The following PHLPP1 variants were observed in gnomAD, a reference collection of about 807,000 sequenced individuals.
The protein encoded by PHLPP1 is PH domain and leucine rich repeat protein phosphatase 1.
In PHLPP1, 42 loss-of-function variants were observed where a neutral mutation model predicts 117.2. The ratio of observed to expected loss-of-function variants is 0.36; its 90% CI spans 0.28 to 0.46. The LOEUF (loss-of-function observed/expected upper bound fraction) is 0.46, where lower values mean the gene tolerates loss of function less well. PHLPP1 is among the 20% of genes least tolerant of loss of function. The probability of loss-of-function intolerance (pLI) is 1.00; values close to 1 mark genes in which losing one functional copy is unlikely to be tolerated. For missense variants in PHLPP1, 2,084 were observed against 2,241.9 expected (o/e 0.93, Z 1.42); for synonymous variants, 1,042 against 970.7 (o/e 1.07, Z -1.37).
Position 62,794,089 on chromosome 18 carries a change from G to C in PHLPP1, c.1577-35946G>C, listed in dbSNP as rs114237726. Among the ~76,000 whole-genome samples the C allele has an allele frequency of 7.9e-3, 1,199 of 152,228 alleles. 20 individuals carry two copies. The highest frequency in any genetic ancestry group is 0.028 in the African/African-American group (1,148 of 41,520). On this transcript the variant is annotated intron_variant, in intron 1 of 16. Transcript: ENST00000262719. ...ATTGGGAGGTTATGTGGCTCTCATG[G>C]AAGATTATGATAAACCTTCTTTTAA...
intron 4 of PHLPP1, among the ~76,000 whole-genome samples, chr18:62,877,979 C>T (rs1233204093): frequency 6.6e-6 from 1 of 152,154 alleles, no homozygotes; most frequent in Non-Finnish European, 1.5e-5. Context: ...AACATTTATT[C>T]CCACTTAAAT....
chr18:62,824,303 T>TA, intron 1 of PHLPP1: 3 of 384,366 alleles, frequency 7.8e-6, no homozygotes, highest in South Asian at 3.7e-5. Flanking sequence ...TCCATCAAAA[T>TA]AGAAAAAAAA....
In PHLPP1 at chr18:62,717,115, G is replaced by A. The variant is rs751338165; in HGVS notation, c.1432G>A (p.Glu478Lys). The A allele has an allele frequency of 2.2e-5, 35 of 1,581,736 alleles. No homozygotes were observed. Among genetic ancestry groups the A allele is most frequent in the Non-Finnish European group, 2.9e-5 (34 of 1,164,776 alleles). Reference protein sequence around the residue: ...PPTLYVQLHGETTRRLEAEEK... With the variant: ...PPTLYVQLHGKTTRRLEAEEK... Reference sequence around the variant, plus strand: ...CACCCTGTACGTGCAGCTCCACGGAGAGACCACCCGGCGCTTGGAGGCGGA... The same window carrying A: ...CACCCTGTACGTGCAGCTCCACGGAAAGACCACCCGGCGCTTGGAGGCGGA... Residue 478 changes from glutamate (E) to lysine (K), a missense_variant, in exon 1 of 17, where the codon GAG (glutamate) becomes AAG (lysine). Physicochemically the swap from Glu to Lys is moderately conservative, Grantham distance 56. Coordinates refer to ENST00000262719, the MANE Select transcript of PHLPP1 (RefSeq NM_194449.4).
intron 2 of PHLPP1, chr18:62,838,533 A>G (rs1420910304): frequency 2.7e-6 from 1 of 376,090 alleles, no homozygotes; most frequent in Middle Eastern, 7.8e-4. Flanking sequence ...AGTCTGGACT[A>G]ATTTTAAACA....
chr18:62,823,110 T>TCAGTTTGTCAAAGATTTTTTAAGTAC (rs1389699037), intron 1 of PHLPP1, among the ~76,000 whole-genome samples: 1 of 152,198 alleles, frequency 6.6e-6, no homozygotes, highest in African/African-American at 2.4e-5. Context: ...TTACTGGCCT[T>TCAGTTTGTCAAAGATTTTTTAAGTAC]CAGTTTGTCA....
chr18:62,775,644 C>T (rs956951903), intron 1 of PHLPP1, among the ~76,000 whole-genome samples: 17 of 152,114 alleles, frequency 1.1e-4, no homozygotes, highest in Admixed American at 6.5e-5. Flanking sequence ...TTTTTTATCT[C>T]GACTAATGAC....
chr18:62,871,268 T>C (rs1371649485), intron 4 of PHLPP1, among the ~76,000 whole-genome samples: 1 of 152,200 alleles, frequency 6.6e-6, no homozygotes, highest in Admixed American at 6.5e-5. Flanking sequence ...TAAATTATAA[T>C]GGTGTTTGAA....
chr18:62,723,941 GT>G (rs749050404), intron 1 of PHLPP1, among the ~76,000 whole-genome samples: 4 of 151,796 alleles, frequency 2.6e-5, no homozygotes, highest in African/African-American at 7.3e-5. Context: ...TAGAGAGCCT[GT>G]TTTTTTTGAA....
At chr18:62,924,705 G>T (rs1442084633) in intron 10 of PHLPP1, among the ~76,000 whole-genome samples, 2 of 146,366 alleles carry the variant, frequency 1.4e-5, no homozygotes, top group East Asian at 2.0e-4. Flanking sequence ...AAAAAGTCAG[G>T]TGTGGTGGCA....
At chr18:62,832,396 A>G (rs895714478) in intron 2 of PHLPP1, 14 of 152,354 alleles carry the variant, frequency 9.2e-5, no homozygotes, top group Admixed American at 4.6e-4. Flanking sequence ...GTCTTTTGAC[A>G]TGTGAAGGAG....
chr18:62,863,495 G>A (rs1323912780), intron 4 of PHLPP1, among the ~76,000 whole-genome samples: 1 of 152,096 alleles, frequency 6.6e-6, no homozygotes, highest in Non-Finnish European at 1.5e-5. Context: ...GAGCCACCAG[G>A]CCCAGCCTAT....
chr18:62,958,643 C>T lies in PHLPP1; in HGVS notation c.3339C>T (p.Ser1113=). 1 of 1,613,876 alleles carries T rather than the reference C, an allele frequency of 6.2e-7. No individual in the cohort carries two copies. The highest frequency in any genetic ancestry group is 1.3e-5 in the African/African-American group (1 of 75,024). Reference sequence around the variant, plus strand: ...TCTTTTTTCAGTGTGTGGACCTGAGCTGTAATGAGCTAAGTGAAGTCACAT... The same window carrying T: ...TCTTTTTTCAGTGTGTGGACCTGAGTTGTAATGAGCTAAGTGAAGTCACAT... ...QLPEIKCVDL[S]CNELSEVTLP... is the part of the protein sequence containing the mutation. Residue 1113 remains serine, a synonymous_variant, in exon 13 of 17, where the codon AGC becomes AGT. Coordinates refer to ENST00000262719, the MANE Select transcript of PHLPP1 (RefSeq NM_194449.4).
At chr18:62,726,333 G>T (rs529993382) in intron 1 of PHLPP1, among the ~76,000 whole-genome samples, 17 of 148,512 alleles carry the variant, frequency 1.1e-4, no homozygotes, top group Middle Eastern at 3.5e-3. Flanking sequence ...TTTTTTTTTT[G>T]GGGGGGTTGG....
intron 1 of PHLPP1, among the ~76,000 whole-genome samples, chr18:62,738,399 AAAT>A (rs1911429756): frequency 6.6e-6 from 1 of 152,222 alleles, no homozygotes; most frequent in African/African-American, 2.4e-5. Context: ...CAACAATAAA[AAAT>A]AATAAAAAAA....
At chr18:62,851,908 C>T (rs1393665099) in intron 3 of PHLPP1, among the ~76,000 whole-genome samples, 1 of 151,934 alleles carries the variant, frequency 6.6e-6, no homozygotes, top group African/African-American at 2.4e-5. Flanking sequence ...ACAAGATCTC[C>T]CTCTGTCACC....
In PHLPP1 at chr18:62,920,078, T is replaced by G. The variant is rs1393202384; in HGVS notation, c.2924T>G (p.Leu975Arg). ...EVLDVQHNQL[L>R]ELPPNLLMKA... ...TTGGATGTGCAACACAACCAGCTCC[T>G]TGAGCTCCCACCTAACCTTCTGATG... Residue 975 changes from leucine (L) to arginine (R), a missense_variant, in exon 10 of 17, where the codon CTT (leucine) becomes CGT (arginine). Leu to Arg is a moderately radical substitution (Grantham distance 102, BLOSUM62 -2). Transcript: ENST00000262719. 1.9e-6 allele frequency: 3 copies of G among 1,613,772 alleles called. No homozygotes were observed. Among genetic ancestry groups the G allele is most frequent in the Admixed American group, 1.7e-5 (1 of 59,978 alleles).
chr18:62,764,004 A>C (rs1451958781), intron 1 of PHLPP1, among the ~76,000 whole-genome samples: 1 of 151,962 alleles, frequency 6.6e-6, no homozygotes, highest in African/African-American at 2.4e-5. Context: ...CTCTACTGAA[A>C]ATACAAAAAT....
At chr18:62,771,653 T>G (rs1310419476) in intron 1 of PHLPP1, among the ~76,000 whole-genome samples, 1 of 152,212 alleles carries the variant, frequency 6.6e-6, no homozygotes, top group Non-Finnish European at 1.5e-5. Context: ...GACCAGGAAG[T>G]GGGTCCTCTA....
intron 4 of PHLPP1, among the ~76,000 whole-genome samples, chr18:62,883,770 T>C (rs1916222056): frequency 6.6e-6 from 1 of 152,202 alleles, no homozygotes; most frequent in Admixed American, 6.5e-5. Flanking sequence ...ATACTGTACA[T>C]TATGTAACAC....
Sources: allele counts gnomAD v4.1 joint callset (sites outside exome capture counted in the v4.1 genomes callset), GRCh38; gene constraint gnomAD v4.1.1; transcripts MANE v1.5; gene names NCBI Gene and HGNC (gene_info 2026-07-23, HGNC 2026-07-21).